CADPS: variants seen among roughly 807,000 people sequenced by gnomAD.
The protein encoded by CADPS is calcium dependent secretion activator.
CADPS carries 57 observed loss-of-function variants against 167.3 expected under a neutral mutation model. That is an observed-to-expected ratio of 0.34 (90% confidence interval 0.28 to 0.42). The LOEUF (loss-of-function observed/expected upper bound fraction) is 0.42, where lower values mean the gene tolerates loss of function less well. CADPS is among the 20% of genes least tolerant of loss of function. CADPS has a pLI of 1.00. For synonymous variants in CADPS, 676 were observed against 635.3 expected (o/e 1.06, Z -0.96); for missense variants, 1,414 against 1,738.1 (o/e 0.81, Z 3.32).
rs1182141616 is a variant in CADPS, at chr3:62,420,840, CTCTT to C, written c.3777+17260_3777+17263del. 6.7e-6 allele frequency among the ~76,000 whole-genome samples: 1 copy of C among 149,322 alleles called. No homozygotes were observed. Among genetic ancestry groups the C allele is most frequent in the Non-Finnish European group, 1.5e-5 (1 of 67,496 alleles). On this transcript the variant is annotated intron_variant, in intron 28 of 29. Transcript: ENST00000383710. The surrounding 1 kb of genome is among the most constrained non-coding windows in gnomAD (Gnocchi z 4.1). The stretch of plus-strand genomic sequence containing the variant: ...CACTGCATATGACTCTATTTTTTTT[CTCTT>C]TATGGGAGGGAGAACGAACACACAC...
Position 62,648,128 on chromosome 3 carries a change from C to T in CADPS, c.1204-2285G>A, listed in dbSNP as rs973428889. Among the ~76,000 whole-genome samples the T allele has an allele frequency of 2.6e-5, 4 of 152,178 alleles. No homozygotes were observed. The South Asian group carries it at 6.2e-4, about 24-fold the overall frequency. ...CCCTGATGAGATGACAATCCTTTCT[C>T]CCTCTTCTTGCCTGCCCTCATTGTG... On this transcript the variant is annotated intron_variant, in intron 5 of 29. Coordinates refer to ENST00000383710, the MANE Select transcript of CADPS (RefSeq NM_003716.4).
Position 62,515,404 on chromosome 3 carries a change from T to TA in CADPS, c.2581+654dup, listed in dbSNP as rs2068738956. On this transcript the variant is annotated intron_variant, in intron 16 of 29. Coordinates refer to ENST00000383710, the MANE Select transcript of CADPS (RefSeq NM_003716.4). ...TCCCAAAGAACCATATCTTCTCAAG[T>TA]AGAGTTTACTCAAAGCACCTTTGGT... Among the ~76,000 whole-genome samples the TA allele has an allele frequency of 3.9e-5, 6 of 152,114 alleles. No individual in the cohort carries two copies. In the South Asian group the frequency reaches 1.0e-3, roughly 26 times the overall value.
rs564584272 is a variant in CADPS at position 62,709,445 on chromosome 3, A to C, written c.888+43996T>G. Among the ~76,000 whole-genome samples, 3 of 152,232 alleles carry C rather than the reference A, an allele frequency of 2.0e-5. No homozygotes were observed. The East Asian group carries it at 5.8e-4, about 29-fold the overall frequency. On this transcript the variant is annotated intron_variant, in intron 3 of 29. Transcript: ENST00000383710. ...GTTTTGTTTAATGTCTCCAATCTAC[A>C]GTTTCCTCCTGTGAGTTTTCTTTAG...
intron 8 of CADPS, among the ~76,000 whole-genome samples, chr3:62,582,647 T>C (rs1003553085): frequency 3.3e-5 from 5 of 152,196 alleles, no homozygotes; most frequent in African/African-American, 9.6e-5. Flanking sequence ...TTAGGCCACG[T>C]TGGGTCCGAT....
intron 28 of CADPS, among the ~76,000 whole-genome samples, chr3:62,426,794 A>T (rs2052790622): frequency 6.6e-6 from 1 of 151,616 alleles, no homozygotes; most frequent in Admixed American, 6.6e-5. Flanking sequence ...GCGGTCAGGC[A>T]TGGTGGCTCA....
At chr3:62,618,323 C>T (rs1056091860) in intron 6 of CADPS, among the ~76,000 whole-genome samples, 6 of 152,042 alleles carry the variant, frequency 3.9e-5, no homozygotes, top group Admixed American at 3.3e-4. Flanking sequence ...TAGCCCTAAA[C>T]TCTTCATTTA....
intron 1 of CADPS, among the ~76,000 whole-genome samples, chr3:62,857,915 T>TTTTGC (rs1372518517): frequency 2.0e-5 from 3 of 152,114 alleles, no homozygotes; most frequent in African/African-American, 7.2e-5. Context: ...ACAATGAAGT[T>TTTTGC]TTTGCTTTTT....
intron 14 of CADPS, among the ~76,000 whole-genome samples, chr3:62,517,852 T>A (rs1347034678): frequency 6.6e-6 from 1 of 152,180 alleles, no homozygotes; most frequent in African/African-American, 2.4e-5. Context: ...TATTTATTCA[T>A]TTTTACTTAG....
intron 3 of CADPS, among the ~76,000 whole-genome samples, chr3:62,745,388 A>G (rs2081246628): frequency 6.6e-6 from 1 of 152,120 alleles, no homozygotes; most frequent in South Asian, 2.1e-4. Flanking sequence ...ATATGTATTG[A>G]TGTATTTTCA....
intron 3 of CADPS, among the ~76,000 whole-genome samples, chr3:62,741,149 A>G (rs1373823255): frequency 2.0e-5 from 3 of 152,156 alleles, no homozygotes; most frequent in Non-Finnish European, 4.4e-5. Flanking sequence ...GTAGCTAATA[A>G]TAACTAGCAC....
intron 8 of CADPS, among the ~76,000 whole-genome samples, chr3:62,584,165 C>A (rs2084063824): frequency 6.6e-6 from 1 of 152,006 alleles, no homozygotes; most frequent in African/African-American, 2.4e-5. Context: ...CCACCATGCC[C>A]AGCTAATTTT....
intron 6 of CADPS, among the ~76,000 whole-genome samples, chr3:62,618,870 G>C (rs936210148): frequency 1.3e-5 from 2 of 152,184 alleles, no homozygotes; most frequent in Non-Finnish European, 2.9e-5. Flanking sequence ...CATTATGCTA[G>C]ACATTTCAAG....
intron 12 of CADPS, among the ~76,000 whole-genome samples, chr3:62,535,452 T>C (rs551179102): frequency 5.3e-5 from 8 of 151,798 alleles, no homozygotes; most frequent in Middle Eastern, 3.5e-3. Context: ...AAATTTAAAA[T>C]AAAAATTAGA....
Position 62,715,377 on chromosome 3 carries a change from T to C in CADPS, c.888+38064A>G, listed in dbSNP as rs559564857. ...CCCTATCTATCTATCTATCTACCTA[T>C]CTATCTATCTATCTATCTATCTGTA... On this transcript the variant is annotated intron_variant, in intron 3 of 29. Transcript: ENST00000383710. Among the ~76,000 whole-genome samples, 143 of 132,998 alleles carry C rather than the reference T, an allele frequency of 1.1e-3. 1 individual carries two copies. The highest frequency in any genetic ancestry group is 3.3e-3 in the African/African-American group (120 of 36,128). 87.3% of individuals were successfully genotyped at this position (132,998 alleles called of 152,430 possible).
intron 3 of CADPS, among the ~76,000 whole-genome samples, chr3:62,726,940 T>C (rs1043308855): frequency 6.6e-6 from 1 of 151,840 alleles, no homozygotes; most frequent in African/African-American, 2.4e-5. Context: ...AAAGAAGTCA[T>C]TGCTTTAAGA....
At chr3:62,535,173 T>A (rs2074433937) in intron 12 of CADPS, among the ~76,000 whole-genome samples, 1 of 151,810 alleles carries the variant, frequency 6.6e-6, no homozygotes, top group African/African-American at 2.4e-5. Flanking sequence ...CACATAATTG[T>A]ACAAAACACA....
intron 7 of CADPS, among the ~76,000 whole-genome samples, chr3:62,586,548 C>A (rs1176901591): frequency 6.6e-6 from 1 of 152,160 alleles, no homozygotes; most frequent in Non-Finnish European, 1.5e-5. Context: ...TTCATTTATG[C>A]CGATTTCTCA....
chr3:62,637,630 G>A (rs2066564341), intron 6 of CADPS, among the ~76,000 whole-genome samples: 1 of 152,194 alleles, frequency 6.6e-6, no homozygotes, highest in Non-Finnish European at 1.5e-5. Context: ...TTTATGGAAA[G>A]GAAATGCACG....
At chr3:62,805,349 C>G (rs567509089) in intron 1 of CADPS, among the ~76,000 whole-genome samples, 1 of 152,280 alleles carries the variant, frequency 6.6e-6, no homozygotes, top group African/African-American at 2.4e-5. Context: ...TTAACCTTAT[C>G]TCCCTTTGTC....
Sources: allele counts gnomAD v4.1 joint callset (sites outside exome capture counted in the v4.1 genomes callset), GRCh38; gene constraint gnomAD v4.1.1; non-coding constraint Gnocchi (gnomAD v3.1); transcripts MANE v1.5; gene names NCBI Gene and HGNC (gene_info 2026-07-23, HGNC 2026-07-21).